Variants in SLC30A9 observed in about 807,000 individuals in gnomAD.
The protein encoded by SLC30A9 is proton-coupled zinc antiporter SLC30A9, mitochondrial.
Under a neutral mutation model 87.5 loss-of-function variants are expected in SLC30A9, and 58 were observed. The observed-to-expected ratio is 0.66, with a 90% CI of 0.54 to 0.82. The LOEUF is 0.82. SLC30A9 is among the 40% of genes least tolerant of loss of function. The probability of loss-of-function intolerance (pLI) is 0.00; values close to 1 mark genes in which losing one functional copy is unlikely to be tolerated. For missense variants in SLC30A9, 557 were observed against 679.1 expected, an observed-to-expected ratio of 0.82 and a Z score of 2.00; for synonymous variants, 234 against 233.0, an observed-to-expected ratio of 1.00 and a Z score of -0.04.
chr4:42,053,529 A>G (rs934632855), intron 9 of SLC30A9, among the ~76,000 whole-genome samples: 1 of 151,804 alleles, frequency 6.6e-6, no homozygotes, highest in South Asian at 2.1e-4. Context: ...CATCTCTGCT[A>G]AAAGTACAAA....
rs892774703 is a variant in SLC30A9 at position 42,075,794 on chromosome 4, T to G, written c.1548+8T>G. ...TTTGACCAAATGTTACAAGTAAGTT[T>G]ATTTGTTGTTTTCTTACATAACTGA... On this transcript the variant is annotated splice_region_variant and intron_variant, in intron 16 of 17. Coordinates refer to ENST00000264451, the MANE Select transcript of SLC30A9 (RefSeq NM_006345.4). The G allele has an allele frequency of 5.5e-5, 88 of 1,608,224 alleles. No homozygotes were observed. Among genetic ancestry groups the G allele is most frequent in the Non-Finnish European group, 7.1e-5 (84 of 1,176,620 alleles).
chr4:42,075,921 G>A (rs1718529362), intron 16 of SLC30A9, 135 bp downstream of exon 16: 1 of 758,250 alleles, frequency 1.3e-6, no homozygotes, highest in Admixed American at 3.0e-5. Context: ...ATTTAACAGA[G>A]ACCTTTATAT....
intron 1 of SLC30A9, among the ~76,000 whole-genome samples, chr4:41,992,129 C>T (rs1178030637): frequency 6.6e-6 from 1 of 151,644 alleles, no homozygotes; most frequent in Non-Finnish European, 1.5e-5. Context: ...TGGATCGCTT[C>T]AGCCCAGGAG....
At chr4:42,020,550 T>C in intron 4 of SLC30A9, 35 bp downstream of exon 4, 1 of 1,080,656 alleles carries the variant, frequency 9.3e-7, no homozygotes, top group Non-Finnish European at 1.4e-6. Flanking sequence ...GTGTGTCATA[T>C]CTAAATAATC....
intron 1 of SLC30A9, among the ~76,000 whole-genome samples, chr4:41,995,563 C>T (rs994203120): frequency 1.3e-5 from 2 of 152,024 alleles, no homozygotes; most frequent in East Asian, 1.9e-4. Context: ...CTATTTCATT[C>T]GATAAGATGG....
intron 1 of SLC30A9, among the ~76,000 whole-genome samples, chr4:41,999,450 T>C (rs1446615247): frequency 6.6e-6 from 1 of 152,190 alleles, no homozygotes; most frequent in East Asian, 1.9e-4. Context: ...AATCAACCAG[T>C]TACTGTGTGG....
At chr4:41,993,776 G>T (rs1714563925) in intron 1 of SLC30A9, among the ~76,000 whole-genome samples, 1 of 152,298 alleles carries the variant, frequency 6.6e-6, no homozygotes, top group South Asian at 2.1e-4. Flanking sequence ...TAAATTGGTA[G>T]TTCATAGTTA....
intron 10 of SLC30A9, 84 bp from the exon 11 acceptor site, chr4:42,062,902 C>T: frequency 8.8e-7 from 1 of 1,130,496 alleles, no homozygotes; most frequent in Non-Finnish European, 1.2e-6. Context: ...TATTGTTAGT[C>T]TTTTTCATTG....
At chr4:42,034,032 G>C (rs1393003474) in intron 6 of SLC30A9, among the ~76,000 whole-genome samples, 2 of 149,480 alleles carry the variant, frequency 1.3e-5, no homozygotes, top group African/African-American at 4.9e-5. Flanking sequence ...CTATTAAAAC[G>C]ATACCATGAG....
rs1389321064 is a variant in SLC30A9 at position 42,086,941 on chromosome 4, T to G, written c.*815T>G. 1 of 152,216 alleles carries G rather than the reference T, an allele frequency of 6.6e-6. No homozygotes were observed. The highest frequency in any genetic ancestry group is 1.5e-5 in the Non-Finnish European group (1 of 68,034). The allele number at this position is 152,216 out of a possible 1,614,324, so 9.4% of individuals were successfully genotyped here. A position where few individuals can be genotyped will look rare whatever the true frequency, so the allele number is the denominator to read the frequency against. On this transcript the variant is annotated 3_prime_UTR_variant, in exon 18 of 18. Coordinates refer to ENST00000264451, the MANE Select transcript of SLC30A9 (RefSeq NM_006345.4). ...ATAATGTTTATTTACTGGAAGATAA[T>G]GCATTTATAAGCATTTTAAAATTCT...
At position 42,086,327 on chromosome 4, in the gene SLC30A9, A is replaced by G; in HGVS notation, c.*201A>G. ...ACTACTTACATCTAACAGACACACT[A>G]CAAGTTGAATCAATTTGAAAATCAT... On this transcript the variant is annotated 3_prime_UTR_variant, in exon 18 of 18. Coordinates refer to ENST00000264451, the MANE Select transcript of SLC30A9 (RefSeq NM_006345.4). The G allele has an allele frequency of 7.7e-6, 3 of 389,940 alleles. No individual in the cohort carries two copies. The highest frequency in any genetic ancestry group is 1.4e-5 in the Non-Finnish European group (3 of 217,088). The allele number at this position is 389,940 out of a possible 1,614,324, so 24.2% of individuals were successfully genotyped here.
chr4:42,065,387 T>C, intron 12 of SLC30A9, 38 bp downstream of exon 12: 1 of 1,032,400 alleles, frequency 9.7e-7, no homozygotes, highest in Non-Finnish European at 1.5e-6. Flanking sequence ...ATTCTTAATT[T>C]AGTAATATAT....
chr4:42,008,805 C>T (rs1715320601), intron 2 of SLC30A9, among the ~76,000 whole-genome samples: 3 of 152,224 alleles, frequency 2.0e-5, no homozygotes, highest in Non-Finnish European at 4.4e-5. Flanking sequence ...AACCTGTATA[C>T]ATTTAATGGC....
chr4:42,074,724 G>A (rs1718452573), intron 15 of SLC30A9, among the ~76,000 whole-genome samples: 1 of 152,106 alleles, frequency 6.6e-6, no homozygotes, highest in Middle Eastern at 3.4e-3. Flanking sequence ...TCCATTAAAT[G>A]CCTGCCTTAT....
chr4:42,008,042 C>G (rs528628281), intron 2 of SLC30A9, among the ~76,000 whole-genome samples: 3 of 152,316 alleles, frequency 2.0e-5, no homozygotes, highest in East Asian at 3.9e-4. Context: ...TTCTTTCTAG[C>G]TGATCTGGCT....
intron 1 of SLC30A9, among the ~76,000 whole-genome samples, chr4:41,994,840 A>T (rs1421497357): frequency 1.3e-5 from 2 of 151,160 alleles, no homozygotes; most frequent in African/African-American, 4.9e-5. Flanking sequence ...AAAAAAAAAA[A>T]AAAAAAGACC....
chr4:42,019,992 G>T (rs1483287076), intron 3 of SLC30A9, among the ~76,000 whole-genome samples: 2 of 151,836 alleles, frequency 1.3e-5, no homozygotes, highest in African/African-American at 2.4e-5. Context: ...TAGAGACAGG[G>T]TTTCACCATG....
chr4:42,070,819 T>G, intron 15 of SLC30A9, 128 bp downstream of exon 15: 1 of 619,678 alleles, frequency 1.6e-6, no homozygotes, highest in Non-Finnish European at 2.6e-6. Context: ...AGTCTGTAAC[T>G]TTTCAGAATT....
At position 42,087,951 on chromosome 4, in the gene SLC30A9, G is replaced by A. The variant is rs1421124529; in HGVS notation, c.*1825G>A. The A allele has an allele frequency of 1.3e-5, 2 of 148,908 alleles. No homozygotes were observed. The highest frequency in any genetic ancestry group is 2.5e-5 in the African/African-American group (1 of 40,520). The allele number at this position is 148,908 out of a possible 1,614,324, so 9.2% of individuals were successfully genotyped here. A position where few individuals can be genotyped will look rare whatever the true frequency, so the allele number is the denominator to read the frequency against. On this transcript the variant is annotated 3_prime_UTR_variant, in exon 18 of 18. Coordinates refer to ENST00000264451, the MANE Select transcript of SLC30A9 (RefSeq NM_006345.4). ...AATTACTCATTTTTTTTCCCAAGAC[G>A]ACCCTCAAAGTTAATGTGCAGCAGG...
Sources: allele counts gnomAD v4.1 joint callset (sites outside exome capture counted in the v4.1 genomes callset), GRCh38; gene constraint gnomAD v4.1.1; transcripts MANE v1.5; gene names NCBI Gene and HGNC (gene_info 2026-07-23, HGNC 2026-07-21).